The following HYOU1 variants were observed in gnomAD, a reference collection of about 807,000 sequenced individuals.
The protein encoded by HYOU1 is hypoxia up-regulated protein 1.
A neutral mutation model predicts 120.5 loss-of-function variants in HYOU1; 40 were observed. The observed-to-expected ratio is 0.33, with a 90% CI of 0.26 to 0.43. HYOU1 has a LOEUF of 0.43. Among genes scored for constraint, HYOU1 ranks in the 20% least tolerant of loss-of-function variants. HYOU1 has a pLI of 1.00. For missense variants in HYOU1, 1,085 were observed against 1,278.3 expected, an observed-to-expected ratio of 0.85 and a Z score of 2.31; for synonymous variants, 501 against 479.4, an observed-to-expected ratio of 1.05 and a Z score of -0.59.
Position 119,046,748 on chromosome 11 carries a change from G to C in HYOU1, c.2650C>G (p.Pro884Ala), listed in dbSNP as rs2133553049. ...TCAATGTCTTTTGAGAGCAACACAGGCTTCTCTGTGGCGGGCAGCTTAGCC... is the reference window on the plus strand; with the variant it reads ...TCAATGTCTTTTGAGAGCAACACAGCCTTCTCTGTGGCGGGCAGCTTAGCC... ...EQAKLPATEK[P>A]VLLSKDIEAK... Residue 884 changes from proline to alanine, a missense_variant, in exon 23 of 26, where the codon CCT (proline) becomes GCT (alanine). Pro to Ala is a conservative substitution (Grantham distance 27, BLOSUM62 -1). Coordinates refer to ENST00000617285, the MANE Select transcript of HYOU1 (RefSeq NM_006389.5). 4.7e-5 allele frequency: 76 copies of C among 1,606,226 alleles called. No homozygotes were observed. Among genetic ancestry groups the C allele is most frequent in the East Asian group, 1.1e-4 (5 of 44,892 alleles).
chr11:119,047,653 C>T (rs1944162698), intron 22 of HYOU1, 81 bp downstream of exon 22: 3 of 1,169,400 alleles, frequency 2.6e-6, no homozygotes, highest in Non-Finnish European at 3.8e-6. Flanking sequence ...GCAGGGGCTG[C>T]TGTGGCTTCA....
chr11:119,054,067 A>G, intron 8 of HYOU1, 54 bp downstream of exon 8: 1 of 1,112,188 alleles, frequency 9.0e-7, no homozygotes, highest in Non-Finnish European at 1.4e-6. Context: ...CCAAGAAGAA[A>G]CCCCTGACTT....
intron 21 of HYOU1, 38 bp downstream of exon 21, chr11:119,047,909 C>T (rs782591504): frequency 6.2e-7 from 1 of 1,613,896 alleles, no homozygotes; most frequent in Non-Finnish European, 8.5e-7. Context: ...AACCAGTGGC[C>T]TTGGCAGGAC....
At position 119,049,213 on chromosome 11, in the gene HYOU1, ACCACAGGCGCC is replaced by A. The variant is rs2133570670; in HGVS notation, c.1807-21_1807-11del. 6.9e-6 allele frequency: 11 copies of A among 1,588,772 alleles called. No homozygotes were observed. The highest frequency in any genetic ancestry group is 9.4e-6 in the Non-Finnish European group (11 of 1,168,536). Reference sequence around the variant, plus strand: ...GGCTCTCCTCTTCCTCCTGGGAAACACCACAGGCGCCCCAGGGAACGATCAGGAGCAGAGCC... The same window carrying A: ...GGCTCTCCTCTTCCTCCTGGGAAACACCAGGGAACGATCAGGAGCAGAGCC... On this transcript the variant is annotated splice_polypyrimidine_tract_variant and intron_variant, in intron 16 of 25. Transcript: ENST00000617285.
In HYOU1 at chr11:119,055,716, C is replaced by T. The variant is rs782619291; in HGVS notation, c.185+34G>A. On this transcript the variant is annotated intron_variant, in intron 3 of 25. Coordinates refer to ENST00000617285, the MANE Select transcript of HYOU1 (RefSeq NM_006389.5). This position sits in a 1 kb window ranked among gnomAD's most constrained non-coding sequence, Gnocchi z 4.0. ...TTCACACTTGGAGCCCAGACTCCCT[C>T]GTTCCCCACCCTTAACACGGGGGCC... 7.0e-6 allele frequency: 11 copies of T among 1,582,536 alleles called. No homozygotes were observed. The highest frequency in any genetic ancestry group is 4.0e-5 in the African/African-American group (3 of 74,174).
rs2133593474 is a variant in HYOU1 at position 119,052,505 on chromosome 11, G to T, written c.988-76C>A. 2.0e-4 allele frequency: 325 copies of T among 1,604,322 alleles called. 5 individuals carry two copies. The South Asian group carries it at 2.7e-3, about 13-fold the overall frequency. The stretch of plus-strand genomic sequence containing the variant: ...TTGGTGAGTAGGACAGAAACAAAAA[G>T]AATAGGTCTTTGGGAGGATGGTAGC... On this transcript the variant is annotated intron_variant, in intron 9 of 25. Transcript: ENST00000617285. This position sits in a 1 kb window ranked among gnomAD's most constrained non-coding sequence, Gnocchi z 5.0.
In HYOU1 at chr11:119,055,315, G is replaced by T; in HGVS notation, c.289C>A (p.Leu97Ile). 1 of 1,613,836 alleles carries T rather than the reference G, an allele frequency of 6.2e-7. No homozygotes were observed. The highest frequency in any genetic ancestry group is 8.5e-7 in the Non-Finnish European group (1 of 1,179,810). Residue 97 changes from leucine to isoleucine, a missense_variant, in exon 5 of 26, where the codon CTA becomes ATA. Around this residue, in one of 4 missense-constraint regions of HYOU1, gnomAD observed 515 missense variants for 677.8 expected, o/e 0.76. Coordinates refer to ENST00000617285, the MANE Select transcript of HYOU1 (RefSeq NM_006389.5). This position sits in a 1 kb window ranked among gnomAD's most constrained non-coding sequence, Gnocchi z 4.0. ...CCCAGGAGGTGCTGGAAGTAACGTA[G>T]CGTAGCCTTTGGATTCTTAATCGCC... ...SMAIKNPKAT[L>I]RYFQHLLGKQ... is the part of the protein sequence containing the mutation.
rs2133596489 is a variant in HYOU1, at chr11:119,052,879, C to T, written c.795-50G>A. ...AAAAGTGAAGAACACATGGAGTCCC[C>T]GCATCTGCACAGGAGCCTCTCATCC... is the stretch of plus-strand genomic sequence containing the variant. On this transcript the variant is annotated intron_variant, in intron 8 of 25. Coordinates refer to ENST00000617285, the MANE Select transcript of HYOU1 (RefSeq NM_006389.5). The surrounding 1 kb of genome is among the most constrained non-coding windows in gnomAD (Gnocchi z 5.0). The T allele has an allele frequency of 3.3e-6, 5 of 1,522,870 alleles. No homozygotes were observed. Among genetic ancestry groups the T allele is most frequent in the African/African-American group, 1.4e-5 (1 of 72,534 alleles). 94.3% of individuals were successfully genotyped at this position (1,522,870 alleles called of 1,614,324 possible). A position where few individuals can be genotyped will look rare whatever the true frequency, so the allele number is the denominator to read the frequency against.
At position 119,044,983 on chromosome 11, in the gene HYOU1, G is replaced by A. The variant is rs1266850417; in HGVS notation, c.*610C>T. On this transcript the variant is annotated 3_prime_UTR_variant, in exon 26 of 26. Transcript: ENST00000617285. Reference sequence around the variant, plus strand: ...TCCAGAGGTACAGGCTTTTAGGCAAGGGGCAGAGAACTGCCCAATTTGCTG... The same window carrying A: ...TCCAGAGGTACAGGCTTTTAGGCAAAGGGCAGAGAACTGCCCAATTTGCTG... The A allele has an allele frequency of 2.6e-6, 1 of 388,432 alleles. No individual in the cohort carries two copies. The highest frequency in any genetic ancestry group is 5.4e-6 in the Non-Finnish European group (1 of 186,374). The allele number at this position is 388,432 out of a possible 1,614,324, so 24.1% of individuals were successfully genotyped here. A position where few individuals can be genotyped will look rare whatever the true frequency, so the allele number is the denominator to read the frequency against.
chr11:119,047,077 AC>A (rs1944126156), intron 22 of HYOU1: 3 of 340,920 alleles, frequency 8.8e-6, no homozygotes, highest in Non-Finnish European at 1.1e-5. Flanking sequence ...TTTTTTTGAG[AC>A]GGAGTCTCGC....
chr11:119,048,307 C>T lies in HYOU1; in HGVS notation c.2317G>A (p.Gly773Arg), dbSNP rs2133562604. The change falls in exon 20 of 26, where the codon GGG becomes AGG. Residue 773 changes from glycine to arginine, a missense_variant. Gly to Arg is a moderately radical substitution (Grantham distance 125). Coordinates refer to ENST00000617285, the MANE Select transcript of HYOU1 (RefSeq NM_006389.5). This position sits in a 1 kb window ranked among gnomAD's most constrained non-coding sequence, Gnocchi z 4.7. ...CAGGTGGATGCGGCGCTGAGCTTCC[C>T]AGAGATCTCCTCACGCTGCTCCTCT... ...STEEQREEIS[G>R]KLSAASTWLE... is the part of the protein sequence containing the mutation. The T allele has an allele frequency of 8.1e-6, 13 of 1,611,092 alleles. No homozygotes were observed. The highest frequency in any genetic ancestry group is 6.7e-5 in the Admixed American group (4 of 60,006).
intron 8 of HYOU1, 199 bp from the exon 9 acceptor site, chr11:119,053,028 C>T (rs2133597204): frequency 1.8e-6 from 1 of 550,050 alleles, no homozygotes; most frequent in African/African-American, 1.9e-5. Context: ...CCTTCTTCCA[C>T]TCATTCATTC....
At position 119,049,880 on chromosome 11, in the gene HYOU1, C is replaced by A. The variant is rs2133576277; in HGVS notation, c.1666-43G>T. The A allele has an allele frequency of 1.6e-5, 25 of 1,567,358 alleles. No individual in the cohort carries two copies. In the African/African-American group the frequency reaches 3.2e-4, roughly 20 times the overall value. ...ATGAAAAAATACACAGGCTAATCCA[C>A]CTTTTCTCCACAAACATCTGCCAAA... On this transcript the variant is annotated intron_variant, in intron 14 of 25. Transcript: ENST00000617285.
intron 7 of HYOU1, 53 bp from the exon 8 acceptor site, chr11:119,054,289 C>A: frequency 7.0e-7 from 1 of 1,419,922 alleles, no homozygotes; most frequent in Non-Finnish European, 9.9e-7. Flanking sequence ...CTCCAGGGGG[C>A]CTGCCTGCCC....
Position 119,048,987 on chromosome 11 carries a change from T to A in HYOU1, c.1992+31A>T. On this transcript the variant is annotated intron_variant, in intron 17 of 25. Transcript: ENST00000617285. The surrounding 1 kb of genome is among the most constrained non-coding windows in gnomAD (Gnocchi z 4.7). ...GGCGCCTGCTCCCTTAGCCTCTGGA[T>A]CCACACTGGCCTTCCTCTGCCACAG... is the stretch of plus-strand genomic sequence containing the variant. The A allele has an allele frequency of 6.2e-7, 1 of 1,613,268 alleles. No individual in the cohort carries two copies. Among genetic ancestry groups the A allele is most frequent in the East Asian group, 2.2e-5 (1 of 44,882 alleles).
rs2133555529 is a variant in HYOU1, at chr11:119,047,184, A to G, written c.2596-382T>C. 8.8e-4 allele frequency: 182 copies of G among 206,128 alleles called. 2 individuals carry two copies. The highest frequency in any genetic ancestry group is 4.1e-3 in the African/African-American group (173 of 42,676). 12.8% of individuals were successfully genotyped at this position (206,128 alleles called of 1,614,324 possible). Reference sequence around the variant, plus strand: ...ATTCTCCTGCCTCAGCCTCCTGAGTAGCTAGGACTACAGGCGACCACGCCC... The same window carrying G: ...ATTCTCCTGCCTCAGCCTCCTGAGTGGCTAGGACTACAGGCGACCACGCCC... On this transcript the variant is annotated intron_variant, in intron 22 of 25. Transcript: ENST00000617285.
In HYOU1 at chr11:119,055,235, G is replaced by C; in HGVS notation, c.369C>G (p.His123Gln). 1.2e-6 allele frequency: 2 copies of C among 1,614,160 alleles called. No homozygotes were observed. The highest frequency in any genetic ancestry group is 1.7e-6 in the Non-Finnish European group (2 of 1,180,020). Residue 123 changes from histidine (H) to glutamine (Q), a missense_variant, in exon 5 of 26, where the codon CAC becomes CAG. Physicochemically the swap from His to Gln is conservative, Grantham distance 24 (BLOSUM62 0). Transcript: ENST00000617285. This position sits in a 1 kb window ranked among gnomAD's most constrained non-coding sequence, Gnocchi z 4.0. ...GCCTCTGTGGGTCGAAAGTCAGCTC[G>C]TGCTCCGGGAAGCGGGCCTGGTAAA... ...VALYQARFPE[H>Q]ELTFDPQRQT...
At chr11:119,054,841 G>A in intron 6 of HYOU1, 143 bp downstream of exon 6, 1 of 1,038,762 alleles carries the variant, frequency 9.6e-7, no homozygotes, top group South Asian at 1.5e-5. Flanking sequence ...CTAGATAGCA[G>A]GTGCACCCCT....
At position 119,056,168 on chromosome 11, in the gene HYOU1, C is replaced by T. The variant is rs1432481926; in HGVS notation, c.-7-1G>A. The T allele has an allele frequency of 6.2e-7, 1 of 1,610,440 alleles. No homozygotes were observed. The highest frequency in any genetic ancestry group is 1.1e-5 in the South Asian group (1 of 91,020). ...CCTAACTTTGTCTGCCATAGTGCCC[C>T]TGGGGGAGGCGAAGAAAGAAAACAC... On this transcript the variant is annotated splice_acceptor_variant, in intron 1 of 25. Coordinates refer to ENST00000617285, the MANE Select transcript of HYOU1 (RefSeq NM_006389.5). LOFTEE classifies it low-confidence loss of function (5UTR_SPLICE).
Sources: gnomAD v4.1 joint callset for allele counts on GRCh38, gnomAD v4.1.1 for gene constraint, gnomAD v4.1.1 regional missense constraint, Gnocchi (gnomAD v3.1) non-coding constraint, MANE v1.5 for transcripts, NCBI Gene and HGNC (gene_info 2026-07-23, HGNC 2026-07-21) for gene names.